The following MOB3B variants were observed in gnomAD, a reference collection of about 807,000 sequenced individuals.
MOB3B encodes the protein MOB kinase activator-like 2B.
In MOB3B, 7 loss-of-function variants were observed where a neutral mutation model predicts 18.7. That is an observed-to-expected ratio of 0.37 (90% confidence interval 0.21 to 0.70). MOB3B has a LOEUF of 0.70. Ranked by LOEUF, MOB3B falls within the 30% of genes least tolerant of loss-of-function variation. The probability of loss-of-function intolerance (pLI) is 0.52; values close to 1 mark genes in which losing one functional copy is unlikely to be tolerated. For synonymous variants in MOB3B, 111 were observed against 99.9 expected, an observed-to-expected ratio of 1.11 and a Z score of -0.66; for missense variants, 253 against 281.3, an observed-to-expected ratio of 0.90 and a Z score of 0.72.
chr9:27,360,751 G>A (rs902505767), intron 2 of MOB3B, among the ~76,000 whole-genome samples: 22 of 152,284 alleles, frequency 1.4e-4, no homozygotes, highest in African/African-American at 5.1e-4. Flanking sequence ...TCTGGCAGGC[G>A]GCAGTGACAA....
chr9:27,370,919 G>A (rs142559716), intron 2 of MOB3B, among the ~76,000 whole-genome samples: 87 of 152,172 alleles, frequency 5.7e-4, no homozygotes, highest in Non-Finnish European at 1.1e-3. Flanking sequence ...ATAGGCCCAC[G>A]TTTAACCAAG....
At chr9:27,383,446 G>T (rs754988015) in intron 2 of MOB3B, among the ~76,000 whole-genome samples, 1 of 152,192 alleles carries the variant, frequency 6.6e-6, no homozygotes, top group Non-Finnish European at 1.5e-5. Context: ...TGAAGTTTGG[G>T]AGTTCAAACT....
At chr9:27,341,686 T>C (rs998370764) in intron 3 of MOB3B, among the ~76,000 whole-genome samples, 6 of 152,222 alleles carry the variant, frequency 3.9e-5, no homozygotes, top group African/African-American at 1.4e-4. Flanking sequence ...GGTCACCACT[T>C]TGTGCCCGAC....
intron 2 of MOB3B, among the ~76,000 whole-genome samples, chr9:27,368,957 A>G (rs1174072666): frequency 6.6e-6 from 1 of 152,176 alleles, no homozygotes; most frequent in African/African-American, 2.4e-5. Flanking sequence ...ATGGATGTGA[A>G]AGGAGCAGTA....
chr9:27,474,773 A>G (rs1036893156), intron 1 of MOB3B, among the ~76,000 whole-genome samples: 2 of 152,256 alleles, frequency 1.3e-5, no homozygotes, highest in South Asian at 2.1e-4. Context: ...TCTAGAATGA[A>G]GATTTTGAAA....
intron 1 of MOB3B, among the ~76,000 whole-genome samples, chr9:27,485,281 AC>A (rs1459986651): frequency 6.6e-6 from 1 of 152,128 alleles, no homozygotes; most frequent in Non-Finnish European, 1.5e-5. Context: ...CCCAACAACA[AC>A]CTGGCAAGGT....
chr9:27,370,508 C>CAA lies in MOB3B; in HGVS notation c.419-11273_419-11272insTT, dbSNP rs761033781. Among the ~76,000 whole-genome samples the CAA allele has an allele frequency of 9.7e-4, 80 of 82,478 alleles. 1 individual carries two copies. The highest frequency in any genetic ancestry group is 6.1e-3 in the Middle Eastern group (1 of 164). The allele number at this position is 82,478 out of a possible 152,430, so 54.1% of individuals were successfully genotyped here. A position where few individuals can be genotyped will look rare whatever the true frequency, so the allele number is the denominator to read the frequency against. On this transcript the variant is annotated intron_variant, in intron 2 of 3. Transcript: ENST00000262244. ...GGGCAACAAGAGTGAAACTCCATCTCAGAAAAAAAAAAAAGAAAAAAAGAG... is the reference window on the plus strand; with the variant it reads ...GGGCAACAAGAGTGAAACTCCATCTCAAAGAAAAAAAAAAAAGAAAAAAAGAG...
chr9:27,369,125 T>G (rs1821380273), intron 2 of MOB3B, among the ~76,000 whole-genome samples: 1 of 152,150 alleles, frequency 6.6e-6, no homozygotes, highest in African/African-American at 2.4e-5. Context: ...TTAATGAACT[T>G]CATTGGTTCT....
intron 2 of MOB3B, among the ~76,000 whole-genome samples, chr9:27,407,833 T>C (rs1322815053): frequency 1.3e-5 from 2 of 152,192 alleles, no homozygotes; most frequent in Non-Finnish European, 2.9e-5. Context: ...TTGCTCCTAA[T>C]ATTGCTTCCT....
intron 2 of MOB3B, among the ~76,000 whole-genome samples, chr9:27,420,255 TAAAG>T (rs1822221399): frequency 6.6e-6 from 1 of 151,920 alleles, no homozygotes; most frequent in African/African-American, 2.4e-5. Context: ...GGAGATTCCT[TAAAG>T]AACTAAAAGT....
At chr9:27,408,884 CT>C (rs1417998004) in intron 2 of MOB3B, among the ~76,000 whole-genome samples, 3 of 152,170 alleles carry the variant, frequency 2.0e-5, no homozygotes, top group Non-Finnish European at 4.4e-5. Context: ...CCCTTCCTGC[CT>C]TGAGGAACTC....
intron 1 of MOB3B, among the ~76,000 whole-genome samples, chr9:27,499,889 T>G (rs1164865063): frequency 6.6e-6 from 1 of 152,144 alleles, no homozygotes; most frequent in Non-Finnish European, 1.5e-5. Context: ...AGAATTATAA[T>G]TTTGCCATTG....
At chr9:27,459,876 C>CAAAA (rs35792761) in intron 1 of MOB3B, among the ~76,000 whole-genome samples, 52 of 86,688 alleles carry the variant, frequency 6.0e-4, no homozygotes, top group African/African-American at 2.2e-3. Flanking sequence ...TTTCAGTCTC[C>CAAAA]AAAAAAAAAA....
rs80011286 is a variant in MOB3B at position 27,354,659 on chromosome 9, G to C, written c.621+4375C>G. ...TGAATGGAGGTGCATCATCCTTAAA[G>C]TACTCTCCCCAATTCAAAAACATAT... On this transcript the variant is annotated intron_variant, in intron 3 of 3. Coordinates refer to ENST00000262244, the MANE Select transcript of MOB3B (RefSeq NM_024761.5). Among the ~76,000 whole-genome samples the C allele has an allele frequency of 6.4e-3, 981 of 152,252 alleles. 37 individuals are homozygous for C. In the East Asian group the frequency reaches 0.084, roughly 13 times the overall value.
chr9:27,475,662 A>T (rs1051007089), intron 1 of MOB3B, among the ~76,000 whole-genome samples: 2 of 152,254 alleles, frequency 1.3e-5, no homozygotes, highest in African/African-American at 4.8e-5. Context: ...AAAATGGCAG[A>T]TATCGACATC....
intron 2 of MOB3B, among the ~76,000 whole-genome samples, chr9:27,434,178 G>A (rs558332418): frequency 1.3e-5 from 2 of 152,244 alleles, no homozygotes; most frequent in African/African-American, 4.8e-5. Context: ...GAGGACAAAT[G>A]CTGCCTTACA....
At chr9:27,477,266 C>G (rs568962408) in intron 1 of MOB3B, among the ~76,000 whole-genome samples, 1 of 152,280 alleles carries the variant, frequency 6.6e-6, no homozygotes, top group South Asian at 2.1e-4. Flanking sequence ...TGGCGTAATG[C>G]TTCTTGGAGA....
At chr9:27,402,764 T>C (rs1158004182) in intron 2 of MOB3B, among the ~76,000 whole-genome samples, 2 of 152,224 alleles carry the variant, frequency 1.3e-5, no homozygotes, top group African/African-American at 2.4e-5. Flanking sequence ...CCCGTGGGCC[T>C]CCCAGGAAAG....
chr9:27,487,875 A>C (rs1411007400), intron 1 of MOB3B, among the ~76,000 whole-genome samples: 1 of 152,062 alleles, frequency 6.6e-6, no homozygotes, highest in Non-Finnish European at 1.5e-5. Flanking sequence ...GGTCTTGCTC[A>C]TGGTCTTTTG....
Sources: allele counts gnomAD v4.1 joint callset (sites outside exome capture counted in the v4.1 genomes callset), GRCh38; gene constraint gnomAD v4.1.1; transcripts MANE v1.5; gene names NCBI Gene and HGNC (gene_info 2026-07-23, HGNC 2026-07-21).